The following ZNF185 variants were observed in gnomAD, a reference collection of about 807,000 sequenced individuals.
The protein encoded by ZNF185 is zinc finger protein 185.
ZNF185 carries 56 observed loss-of-function variants against 58.6 expected under a neutral mutation model. The observed-to-expected ratio is 0.95, with a 90% CI of 0.77 to 1.19. The LOEUF (loss-of-function observed/expected upper bound fraction) is 1.19, where lower values mean the gene tolerates loss of function less well. ZNF185 is among the 50% of genes most tolerant of loss of function. ZNF185 has a pLI of 0.00. For missense variants in ZNF185, 627 were observed against 573.5 expected (o/e 1.09, Z -0.95); for synonymous variants, 230 against 215.9 (o/e 1.07, Z -0.57).
intron 16 of ZNF185, among the ~76,000 whole-genome samples, chrX:152,955,899 T>TAAAAA (rs77247991): frequency 2.2e-5 from 2 of 89,218 alleles, no homozygotes; most frequent in Non-Finnish European, 4.5e-5. Flanking sequence ...AGACTCCACC[T>TAAAAA]AAAAAAAAAA....
At chrX:152,938,156 C>T (rs1005971741) in exon 15 of ZNF185, 3 of 1,180,804 alleles carry the variant, frequency 2.5e-6, no homozygotes, top group Admixed American at 2.4e-5. Context: ...AAAGGCAGAC[C>T]CAAAGGGGTA....
intron 1 of ZNF185, 87 bp from the exon 3 acceptor site, chrX:152,914,623 G>C: frequency 8.6e-7 from 1 of 1,164,888 alleles, no homozygotes; most frequent in Non-Finnish European, 1.1e-6. Context: ...AGCAAAGGGA[G>C]AGCAGCATAC....
At chrX:152,903,685 C>G in the ZNF185 span, among the ~76,000 whole-genome samples, 11 of 111,820 alleles carry the variant, frequency 9.8e-5, no homozygotes, top group Admixed American at 3.8e-4. Flanking sequence ...AGAGACATCT[C>G]CAAGGGCCCT....
chrX:152,905,988 T>TG, the ZNF185 span, among the ~76,000 whole-genome samples: 1 of 112,303 alleles, frequency 8.9e-6, no homozygotes, highest in African/African-American at 3.2e-5. Flanking sequence ...GTAGGAGGAC[T>TG]GGGGGGAAAG....
Position 152,947,106 on chromosome X carries a change from C to T in ZNF185, c.1409+1642C>T, listed in dbSNP as rs187094415. Among the ~76,000 whole-genome samples the T allele has an allele frequency of 4.1e-4, 46 of 112,103 alleles. No individual in the cohort carries two copies. In the East Asian group the frequency reaches 0.011, roughly 27 times the overall value. ...TTATTAAAGGTAAAAGCGGGCTTGG[C>T]GTGGTGGCTCACACCTGTCATCCCA... On this transcript the variant is annotated intron_variant, in intron 16 of 22. Transcript: ENST00000449285.
chrX:152,931,955 T>TGAAA (rs1441841977), intron 13 of ZNF185, among the ~76,000 whole-genome samples, 179 bp downstream of exon 14: 5 of 111,934 alleles, frequency 4.5e-5, no homozygotes, highest in African/African-American at 1.3e-4. Context: ...GAACATCTGT[T>TGAAA]GAAAGAAAGA....
intron 15 of ZNF185, among the ~76,000 whole-genome samples, chrX:152,940,457 G>C (rs1306628564): frequency 2.8e-5 from 3 of 108,532 alleles, no homozygotes; most frequent in Non-Finnish European, 5.7e-5. Context: ...CCAGGTCATA[G>C]GTGGATTCAG....
intron 17 of ZNF185, among the ~76,000 whole-genome samples, chrX:152,961,516 C>T: frequency 9.0e-6 from 1 of 111,330 alleles, no homozygotes; most frequent in Admixed American, 9.6e-5. Context: ...CTTTGTTCCC[C>T]AGAGATTTTT....
chrX:152,942,505 C>T (rs2047336227), intron 15 of ZNF185, among the ~76,000 whole-genome samples: 1 of 112,153 alleles, frequency 8.9e-6, no homozygotes, highest in African/African-American at 3.2e-5. Flanking sequence ...GACATTTAAA[C>T]CTGCGAGCTA....
intron 15 of ZNF185, chrX:152,941,746 C>T: frequency 8.6e-7 from 1 of 1,165,153 alleles, no homozygotes; most frequent in East Asian, 3.3e-5. Flanking sequence ...GGCGGGGATT[C>T]TCTTGAGGCC....
chrX:152,947,517 C>T (rs1175337495), intron 16 of ZNF185, among the ~76,000 whole-genome samples: 1 of 112,135 alleles, frequency 8.9e-6, no homozygotes, highest in African/African-American at 3.2e-5. Context: ...TGGGGGCAGG[C>T]CCGCTGAGAG....
chrX:152,971,323 T>G (rs974754488), exon 23 of ZNF185: 1 of 111,091 alleles, frequency 9.0e-6, no homozygotes, highest in African/African-American at 3.3e-5. Context: ...GTGGACAAAT[T>G]TGGCTGTCCC....
At chrX:152,938,985 G>A (rs184457920) in intron 15 of ZNF185, among the ~76,000 whole-genome samples, 1 of 110,296 alleles carries the variant, frequency 9.1e-6, no homozygotes, top group East Asian at 2.9e-4. Flanking sequence ...AACTAACCCT[G>A]AGGTGGGAAC....
intron 16 of ZNF185, among the ~76,000 whole-genome samples, chrX:152,956,237 C>T (rs2048815434): frequency 9.0e-6 from 1 of 111,444 alleles, no homozygotes; most frequent in Admixed American, 9.6e-5. Flanking sequence ...CCTGAGGTCC[C>T]CATAAAACAA....
chrX:152,937,094 T>C (rs781795052), intron 14 of ZNF185, among the ~76,000 whole-genome samples: 2 of 111,745 alleles, frequency 1.8e-5, no homozygotes, highest in South Asian at 7.4e-4. Flanking sequence ...CAAGTCCTAG[T>C]AAGGAACGAT....
At chrX:152,940,812 G>A (rs2047097410) in intron 15 of ZNF185, among the ~76,000 whole-genome samples, 1 of 112,288 alleles carries the variant, frequency 8.9e-6, no homozygotes. Flanking sequence ...ATTACCTGCT[G>A]TCTGTCATGT....
At chrX:152,946,029 A>T (rs1156491572) in intron 16 of ZNF185, among the ~76,000 whole-genome samples, 4 of 112,363 alleles carry the variant, frequency 3.6e-5, no homozygotes, top group African/African-American at 1.3e-4. Context: ...CGTGCCTGTT[A>T]CTGGAGCTGA....
chrX:152,913,332 C>G (rs1328911687), upstream of ZNF185, among the ~76,000 whole-genome samples: 1 of 112,520 alleles, frequency 8.9e-6, no homozygotes, highest in Non-Finnish European at 1.9e-5. Flanking sequence ...GGGCTCCCTG[C>G]AGCTCTGGGT....
chrX:152,930,517 G>A lies in ZNF185; in HGVS notation c.918-1155G>A, dbSNP rs192789166. Among the ~76,000 whole-genome samples, 82 of 111,544 alleles carry A rather than the reference G, an allele frequency of 7.4e-4. No individual in the cohort carries two copies. The East Asian group carries it at 0.017, about 24-fold the overall frequency. The stretch of plus-strand genomic sequence containing the variant: ...CCAGCCCTCCTGGGGACAGCTGGGC[G>A]AGGGCAGTCTCTTCTCGCCATGTTG... On this transcript the variant is annotated intron_variant, in intron 12 of 22. Coordinates refer to ENST00000449285, the Ensembl canonical transcript of ZNF185.
Sources: gnomAD v4.1 joint callset for allele counts (sites outside exome capture counted in the v4.1 genomes callset) on GRCh38, gnomAD v4.1.1 for gene constraint, MANE v1.5 for transcripts, NCBI Gene and HGNC (gene_info 2026-07-23, HGNC 2026-07-21) for gene names.